NDE1: variants seen among roughly 807,000 people sequenced by gnomAD.
NDE1 encodes the protein nudE neurodevelopment protein 1, also known as nuclear distribution protein nudE homolog 1.
In NDE1, 28 loss-of-function variants were observed where a neutral mutation model predicts 43.4. The observed-to-expected ratio is 0.65, with a 90% CI of 0.48 to 0.89. The LOEUF is 0.89. Ranked by LOEUF, NDE1 falls within the 40% of genes least tolerant of loss-of-function variation. NDE1 has a pLI of 0.00. For missense variants in NDE1, 441 were observed against 434.1 expected (o/e 1.02, Z -0.14); for synonymous variants, 184 against 172.0 (o/e 1.07, Z -0.55).
At chr16:15,719,386 C>T in intron 8 of NDE1, 1 of 1,529,406 alleles carries the variant, frequency 6.5e-7, no homozygotes, top group Non-Finnish European at 8.9e-7. Flanking sequence ...ACAACTCAGC[C>T]ACCCTTGAAA....
chr16:15,691,163 C>G lies in NDE1; in HGVS notation c.543C>G (p.Ala181=), dbSNP rs758547627. 1.2e-6 allele frequency: 2 copies of G among 1,614,038 alleles called. No individual in the cohort carries two copies. Among genetic ancestry groups the G allele is most frequent in the Non-Finnish European group, 1.7e-6 (2 of 1,180,004 alleles). Residue 181 remains alanine (A), a synonymous_variant, in exon 6 of 9, where the codon GCC becomes GCG. Coordinates refer to ENST00000396354, the MANE Select transcript of NDE1 (RefSeq NM_017668.3). The part of the protein sequence containing the change: ...DEARDLRQEL[A]VQQKQEKPRT... Reference sequence around the variant, plus strand: ...GCACAGATTTGCGGCAGGAACTGGCCGTGCAGCAGAAGCAGGAGAAACCCA... The same window carrying G: ...GCACAGATTTGCGGCAGGAACTGGCGGTGCAGCAGAAGCAGGAGAAACCCA...
chr16:15,692,441 G>T lies in NDE1; in HGVS notation c.703+1118G>T, dbSNP rs144533218. Among the ~76,000 whole-genome samples the T allele has an allele frequency of 7.9e-3, 1,198 of 152,136 alleles. 19 individuals are homozygous for T. The highest frequency in any genetic ancestry group is 0.028 in the African/African-American group (1,167 of 41,476). ...TTTAGTTTTGTTGAGATGGAGTTTT[G>T]CTCTGTTGCCCAGGCTGGAGTGCAA... On this transcript the variant is annotated intron_variant, in intron 6 of 8. Coordinates refer to ENST00000396354, the MANE Select transcript of NDE1 (RefSeq NM_017668.3).
At chr16:15,661,692 C>A (rs1423658288) in intron 1 of NDE1, among the ~76,000 whole-genome samples, 5 of 152,068 alleles carry the variant, frequency 3.3e-5, no homozygotes, top group Non-Finnish European at 5.9e-5. Context: ...ATTCCACCTG[C>A]TTTGGCCTAC....
At chr16:15,673,502 G>A (rs1180908135) in intron 3 of NDE1, among the ~76,000 whole-genome samples, 1 of 151,668 alleles carries the variant, frequency 6.6e-6, no homozygotes, top group African/African-American at 2.4e-5. Flanking sequence ...ACTATGCCGG[G>A]CTAATTTTTG....
At chr16:15,671,086 A>G (rs1026262587) in intron 3 of NDE1, among the ~76,000 whole-genome samples, 2 of 152,160 alleles carry the variant, frequency 1.3e-5, no homozygotes, top group Non-Finnish European at 2.9e-5. Context: ...GGCTGAAAGA[A>G]TTTCCAGTGA....
intron 1 of NDE1, among the ~76,000 whole-genome samples, chr16:15,662,148 A>G (rs2037077937): frequency 6.6e-6 from 1 of 151,888 alleles, no homozygotes; most frequent in Non-Finnish European, 1.5e-5. Flanking sequence ...TGTGTTTCCC[A>G]GGCTGGTCTT....
In NDE1 at chr16:15,717,154, G is replaced by A. The variant is rs770582589; in HGVS notation, c.948-7037G>A. 1.1e-5 allele frequency: 17 copies of A among 1,614,032 alleles called. No individual in the cohort carries two copies. The highest frequency in any genetic ancestry group is 2.7e-5 in the African/African-American group (2 of 74,920). On this transcript the variant is annotated intron_variant, in intron 8 of 8. Coordinates refer to ENST00000396354, the MANE Select transcript of NDE1 (RefSeq NM_017668.3). ...CACCCGCATACCTGGCCTCCTGCTC[G>A]ACCTGCTCCTCCAGCTGTGCAATCT...
rs770021443 is a variant in NDE1 at position 15,643,384 on chromosome 16, T to C, written c.-709T>C. ...TGGCTTTTTTGGCGAAAACCCCCAG[T>C]TTAAGGAGGCCTTCCCCCTGGCTTC... On this transcript the variant is annotated 5_prime_UTR_variant, in exon 1 of 10. Transcript: ENST00000396355. 9 of 495,446 alleles carry C rather than the reference T, an allele frequency of 1.8e-5. No individual in the cohort carries two copies. In the Admixed American group the frequency reaches 1.9e-4, roughly 10 times the overall value. The allele number at this position is 495,446 out of a possible 1,614,324, so 30.7% of individuals were successfully genotyped here. A position where few individuals can be genotyped will look rare whatever the true frequency, so the allele number is the denominator to read the frequency against.
intron 1 of NDE1, among the ~76,000 whole-genome samples, chr16:15,654,617 C>CAAAAAAAAAAAAAAA (rs74269304): frequency 1.2e-5 from 1 of 82,380 alleles, no homozygotes; most frequent in Non-Finnish European, 2.5e-5. Flanking sequence ...AAAAAAAAAA[C>CAAAAAAAAAAAAAAA]AAAAAAAAAA....
At chr16:15,716,293 A>G (rs2040131322) in intron 8 of NDE1, among the ~76,000 whole-genome samples, 1 of 152,050 alleles carries the variant, frequency 6.6e-6, no homozygotes, top group South Asian at 2.1e-4. Flanking sequence ...TCGTTTTTAC[A>G]TGTTTGTGAA....
At chr16:15,679,734 AGTGGTGTTTCCCAC>A (rs1044921221) in intron 4 of NDE1, among the ~76,000 whole-genome samples, 9 of 152,178 alleles carry the variant, frequency 5.9e-5, no homozygotes, top group Admixed American at 2.6e-4. Context: ...AGGCAGTGTG[AGTGGTGTTTCCCAC>A]GTGGTGTTTC....
At chr16:15,674,089 T>A (rs1462888281) in intron 3 of NDE1, among the ~76,000 whole-genome samples, 1 of 152,134 alleles carries the variant, frequency 6.6e-6, no homozygotes, top group African/African-American at 2.4e-5. Flanking sequence ...AGAATAAGTA[T>A]GTAATGGATG....
chr16:15,671,373 GGTAGTGCACACCT>G (rs2037583676), intron 3 of NDE1, among the ~76,000 whole-genome samples: 1 of 152,100 alleles, frequency 6.6e-6, no homozygotes, highest in Non-Finnish European at 1.5e-5. Context: ...CATTGGACAT[GGTAGTGCACACCT>G]GTAGTCTAAG....
upstream of NDE1, among the ~76,000 whole-genome samples, chr16:15,646,197 C>T (rs2036326028): frequency 6.6e-6 from 1 of 152,160 alleles, no homozygotes; most frequent in Non-Finnish European, 1.5e-5. Flanking sequence ...ACACCAGTAC[C>T]TCATCAGTTT....
intron 8 of NDE1, chr16:15,700,011 T>C: frequency 1.7e-6 from 2 of 1,187,178 alleles, no homozygotes. Flanking sequence ...CTGGGAAATG[T>C]CTTTTCATCC....
At chr16:15,705,241 C>G (rs1217877194) in intron 8 of NDE1, among the ~76,000 whole-genome samples, 1 of 152,208 alleles carries the variant, frequency 6.6e-6, no homozygotes, top group Non-Finnish European at 1.5e-5. Flanking sequence ...CTTAGCCTCT[C>G]AAAGTGTTGG....
intron 8 of NDE1, among the ~76,000 whole-genome samples, chr16:15,719,883 G>A (rs1189194362): frequency 6.6e-6 from 1 of 152,178 alleles, no homozygotes; most frequent in Non-Finnish European, 1.5e-5. Context: ...TGCGCTGGGA[G>A]CACCATTCTG....
intron 8 of NDE1, chr16:15,703,674 G>C (rs2039302940): frequency 2.3e-6 from 1 of 443,856 alleles, no homozygotes; most frequent in Middle Eastern, 5.9e-4. Flanking sequence ...TTGCAGCCTC[G>C]AAGTCCTGGG....
intron 7 of NDE1, chr16:15,695,487 C>G (rs2038968200): frequency 2.2e-6 from 2 of 928,492 alleles, no homozygotes; most frequent in African/African-American, 5.4e-5. Context: ...CAAAGTGAGA[C>G]TTGGTCTCAA....
Sources: allele counts gnomAD v4.1 joint callset (sites outside exome capture counted in the v4.1 genomes callset), GRCh38; gene constraint gnomAD v4.1.1; transcripts MANE v1.5; gene names NCBI Gene and HGNC (gene_info 2026-07-23, HGNC 2026-07-21).